IFT122: variants seen among roughly 807,000 people sequenced by gnomAD.
IFT122 encodes intraflagellar transport 122.
In IFT122, 118 loss-of-function variants were observed where a neutral mutation model predicts 161.6. The observed-to-expected ratio is 0.73, with a 90% CI of 0.63 to 0.85. The LOEUF (loss-of-function observed/expected upper bound fraction) is 0.85. IFT122 is among the 40% of genes least tolerant of loss of function. The pLI is 0.00. For synonymous variants in IFT122, 550 were observed against 602.4 expected (o/e 0.91, Z 1.27); for missense variants, 1,381 against 1,579.6 (o/e 0.87, Z 2.13).
intron 26 of IFT122, among the ~76,000 whole-genome samples, chr3:129,516,578 CA>C: frequency 8.3e-6 from 1 of 119,896 alleles, no homozygotes; most frequent in Admixed American, 8.3e-5. Context: ...CACACACACA[CA>C]GAGAGACTGC....
chr3:129,445,688 C>T (rs760279668), intron 1 of IFT122, among the ~76,000 whole-genome samples: 1 of 152,222 alleles, frequency 6.6e-6, no homozygotes, highest in Non-Finnish European at 1.5e-5. Context: ...AATCCTGGCC[C>T]TTGCACTTGC....
At chr3:129,442,828 C>T (rs2073430417) in intron 1 of IFT122, among the ~76,000 whole-genome samples, 1 of 152,194 alleles carries the variant, frequency 6.6e-6, no homozygotes. Context: ...TCCTGACCCT[C>T]CTCCCCATCA....
At position 129,519,473 on chromosome 3, in the gene IFT122, C is replaced by G. The variant is rs1448894263; in HGVS notation, c.3472-95C>G. On this transcript the variant is annotated intron_variant, in intron 28 of 29. Coordinates refer to ENST00000348417, the MANE Select transcript of IFT122 (RefSeq NM_052989.3). ...CCTGGGTTTAGGAAGCAGGTCCTCT[C>G]TCACCACTGCCAAAGATTCCAGGAT... 5 of 1,531,720 alleles carry G rather than the reference C, an allele frequency of 3.3e-6. No homozygotes were observed. In the Admixed American group the frequency reaches 5.5e-5, roughly 17 times the overall value. The allele number at this position is 1,531,720 out of a possible 1,614,324, so 94.9% of individuals were successfully genotyped here. A position where few individuals can be genotyped will look rare whatever the true frequency, so the allele number is the denominator to read the frequency against.
At position 129,507,740 on chromosome 3, in the gene IFT122, A is replaced by T; in HGVS notation, c.2864A>T (p.Tyr955Phe). The T allele has an allele frequency of 6.2e-7, 1 of 1,614,060 alleles. No individual in the cohort carries two copies. The highest frequency in any genetic ancestry group is 8.5e-7 in the Non-Finnish European group (1 of 1,179,970). ...CGTTTGGCAGAGCTGTACCATGGTT[A>T]CCATGCCATCCATCGCCACACGGTA... ...FQRLAELYHG[Y>F]HAIHRHTEDP... Residue 955 changes from tyrosine (Y) to phenylalanine (F), a missense_variant, in exon 23 of 30, where the codon TAC becomes TTC. Transcript: ENST00000348417.
In IFT122 at chr3:129,516,617, G is replaced by GCA. The variant is rs1230262607; in HGVS notation, c.3266-836_3266-835dup. On this transcript the variant is annotated intron_variant, in intron 26 of 29. Coordinates refer to ENST00000348417, the MANE Select transcript of IFT122 (RefSeq NM_052989.3). Reference sequence around the variant, plus strand: ...CTGCACACACACAGAGACTGCCCCTGCACACACACACACACACGGAGACTG... The same window carrying GCA: ...CTGCACACACACAGAGACTGCCCCTGCACACACACACACACACACGGAGACTG... 6.4e-4 allele frequency among the ~76,000 whole-genome samples: 59 copies of GCA among 92,748 alleles called. 1 individual carries two copies. The highest frequency in any genetic ancestry group is 1.5e-3 in the African/African-American group (34 of 23,232). The allele number at this position is 92,748 out of a possible 152,430, so 60.8% of individuals were successfully genotyped here.
chr3:129,509,988 G>T (rs1413177145), intron 23 of IFT122, among the ~76,000 whole-genome samples: 1 of 152,186 alleles, frequency 6.6e-6, no homozygotes, highest in African/African-American at 2.4e-5. Flanking sequence ...GACCCTAGGT[G>T]GCAGCTATCC....
At chr3:129,476,208 G>A in intron 9 of IFT122, 107 bp from the exon 10 acceptor site, 1 of 1,239,352 alleles carries the variant, frequency 8.1e-7, no homozygotes, top group South Asian at 1.3e-5. Context: ...AGCTCTCCCT[G>A]TCTTCCCAAC....
intron 9 of IFT122, among the ~76,000 whole-genome samples, chr3:129,475,618 C>A (rs1375991411): frequency 6.6e-6 from 1 of 152,178 alleles, no homozygotes; most frequent in East Asian, 1.9e-4. Flanking sequence ...CGCCACTGCA[C>A]TCCAGCCTGG....
intron 3 of IFT122, among the ~76,000 whole-genome samples, chr3:129,453,045 G>T (rs1261387274): frequency 3.3e-5 from 5 of 152,186 alleles, no homozygotes; most frequent in Non-Finnish European, 5.9e-5. Context: ...AAGACTGCAG[G>T]TAGAGAAAAG....
rs1254217794 is a variant in IFT122 at position 129,451,978 on chromosome 3, G to A, written c.173G>A (p.Cys58Tyr). Residue 58 changes from cysteine (C) to tyrosine (Y), a missense_variant, in exon 3 of 30, where the codon TGT (cysteine) becomes TAT (tyrosine). Cys to Tyr is a radical substitution (Grantham distance 194). Coordinates refer to ENST00000348417, the MANE Select transcript of IFT122 (RefSeq NM_052989.3). ...PLKGHKDTVYCVAYAKDGKRF... is the reference protein window; with the variant it reads ...PLKGHKDTVYYVAYAKDGKRF... Reference sequence around the variant, plus strand: ...AAGGGACACAAAGACACTGTGTACTGTGTGGCATATGCGAAGGATGGTAAA... The same window carrying A: ...AAGGGACACAAAGACACTGTGTACTATGTGGCATATGCGAAGGATGGTAAA... 3 of 1,613,782 alleles carry A rather than the reference G, an allele frequency of 1.9e-6. No individual in the cohort carries two copies. The highest frequency in any genetic ancestry group is 2.5e-6 in the Non-Finnish European group (3 of 1,179,658).
chr3:129,452,348 C>T, intron 3 of IFT122: 1 of 281,552 alleles, frequency 3.6e-6, no homozygotes, highest in South Asian at 3.2e-5. Context: ...AAGTAGTATG[C>T]TGGAAGGTGA....
chr3:129,497,194 A>G (rs1390868640), intron 18 of IFT122, among the ~76,000 whole-genome samples: 2 of 152,172 alleles, frequency 1.3e-5, no homozygotes, highest in Non-Finnish European at 2.9e-5. Context: ...CTTGAGCCCC[A>G]GAGGTGGAAG....
chr3:129,502,709 A>G lies in IFT122; in HGVS notation c.2376-2A>G. ...CCTCCTACCTGCCCCTTCCCTCTCC[A>G]GGTTGATCGACATCGCCCGCAAACT... is the stretch of plus-strand genomic sequence containing the variant. On this transcript the variant is annotated splice_acceptor_variant, in intron 19 of 29. Coordinates refer to ENST00000348417, the MANE Select transcript of IFT122 (RefSeq NM_052989.3). LOFTEE classifies it high-confidence loss of function. 6.2e-7 allele frequency: 1 copy of G among 1,606,104 alleles called. No individual in the cohort carries two copies. The highest frequency in any genetic ancestry group is 8.5e-7 in the Non-Finnish European group (1 of 1,179,974).
intron 1 of IFT122, among the ~76,000 whole-genome samples, chr3:129,447,607 G>C (rs6774638): frequency 0.042 from 6,375 of 152,210 alleles, 397 homozygotes; most frequent in African/African-American, 0.13. Context: ...CTGTCTCCCG[G>C]GTTCAAGCAA....
intron 23 of IFT122, among the ~76,000 whole-genome samples, chr3:129,508,880 C>G (rs2082473729): frequency 6.6e-6 from 1 of 152,196 alleles, no homozygotes; most frequent in Non-Finnish European, 1.5e-5. Context: ...TGGGCCCTTT[C>G]TGTGAACCAG....
At chr3:129,484,214 TG>T (rs1003724025) in intron 15 of IFT122, among the ~76,000 whole-genome samples, 3 of 151,732 alleles carry the variant, frequency 2.0e-5, no homozygotes, top group African/African-American at 7.3e-5. Context: ...AGCCACAGAA[TG>T]GGGGAGGGCA....
At chr3:129,462,159 G>A (rs748498126) in intron 5 of IFT122, among the ~76,000 whole-genome samples, 95 of 152,166 alleles carry the variant, frequency 6.2e-4, no homozygotes, top group Admixed American at 9.8e-4. Flanking sequence ...ATGGAGAAAG[G>A]CCTGTCATTT....
intron 23 of IFT122, among the ~76,000 whole-genome samples, chr3:129,511,628 A>G (rs546571881): frequency 6.6e-6 from 1 of 152,330 alleles, no homozygotes; most frequent in South Asian, 2.1e-4. Flanking sequence ...AAAATTCCTT[A>G]TTTGTCTGCT....
chr3:129,512,257 GC>G, intron 23 of IFT122, 54 bp from the exon 24 acceptor site: 1 of 1,273,956 alleles, frequency 7.8e-7, no homozygotes, highest in Non-Finnish European at 1.1e-6. Flanking sequence ...TTTTGGCCTG[GC>G]CCAGCAGCAG....
Sources: gnomAD v4.1 joint callset for allele counts (sites outside exome capture counted in the v4.1 genomes callset) on GRCh38, gnomAD v4.1.1 for gene constraint, MANE v1.5 for transcripts, NCBI Gene and HGNC (gene_info 2026-07-23, HGNC 2026-07-21) for gene names.